Variants in UBE2G1 observed in about 807,000 individuals in gnomAD.
UBE2G1 encodes the protein ubiquitin conjugating enzyme E2 G1.
Under a neutral mutation model 22.7 loss-of-function variants are expected in UBE2G1, and 5 were observed. The observed-to-expected ratio is 0.22, with a 90% CI of 0.12 to 0.46. The LOEUF (loss-of-function observed/expected upper bound fraction) is 0.46. Among genes scored for constraint, UBE2G1 ranks in the 20% least tolerant of loss-of-function variants. The pLI is 0.99. For missense variants in UBE2G1, 88 were observed against 203.9 expected (o/e 0.43, Z 3.46); for synonymous variants, 74 against 67.5 (o/e 1.10, Z -0.47).
chr17:4,338,184 GA>G (rs1328455402), intron 1 of UBE2G1, among the ~76,000 whole-genome samples: 1 of 148,338 alleles, frequency 6.7e-6, no homozygotes, highest in African/African-American at 2.5e-5. Context: ...AAAAAAAAAC[GA>G]AAACAACTTA....
At chr17:4,294,415 C>CAA (rs68047533) in intron 3 of UBE2G1, among the ~76,000 whole-genome samples, 46 of 117,162 alleles carry the variant, frequency 3.9e-4, no homozygotes, top group African/African-American at 1.9e-3. Context: ...GACTCCGTCT[C>CAA]AAAAAAAAAA....
intron 1 of UBE2G1, among the ~76,000 whole-genome samples, chr17:4,359,276 GTCTT>G (rs1024571888): frequency 3.9e-5 from 6 of 152,098 alleles, no homozygotes; most frequent in Non-Finnish European, 7.4e-5. Flanking sequence ...AAAATTTAAG[GTCTT>G]TGTTTTTTGT....
intron 1 of UBE2G1, among the ~76,000 whole-genome samples, chr17:4,315,567 C>T (rs377139309): frequency 6.6e-6 from 1 of 151,532 alleles, no homozygotes; most frequent in Non-Finnish European, 1.5e-5. Flanking sequence ...CGTGAAACCC[C>T]GTCTCTACCA....
intron 1 of UBE2G1, among the ~76,000 whole-genome samples, chr17:4,343,829 C>T (rs1165413621): frequency 6.6e-6 from 1 of 151,956 alleles, no homozygotes; most frequent in Non-Finnish European, 1.5e-5. Context: ...CCTCATGATC[C>T]GCCCGCCTCA....
At chr17:4,294,415 CAAAAAAA>C (rs68047533) in intron 3 of UBE2G1, among the ~76,000 whole-genome samples, 1 of 117,202 alleles carries the variant, frequency 8.5e-6, no homozygotes, top group African/African-American at 4.4e-5. Flanking sequence ...GACTCCGTCT[CAAAAAAA>C]AAAAAAAAAA....
intron 1 of UBE2G1, among the ~76,000 whole-genome samples, chr17:4,342,336 G>A (rs1051202132): frequency 2.6e-5 from 4 of 152,132 alleles, no homozygotes; most frequent in African/African-American, 9.7e-5. Context: ...TTCAAATATT[G>A]TGTTCCTTCT....
intron 5 of UBE2G1, among the ~76,000 whole-genome samples, chr17:4,280,880 G>A (rs570338536): frequency 5.9e-4 from 90 of 152,112 alleles, no homozygotes; most frequent in African/African-American, 2.1e-3. Context: ...TGATCCACCC[G>A]CCTCGGCCTC....
At position 4,280,024 on chromosome 17, in the gene UBE2G1, TTAGA is replaced by T. The variant is rs970154088; in HGVS notation, c.*37+2770_*37+2773del. ...CATATTAAGTCCACAATATCCAGAT[TTAGA>T]TAGATAGACTTTTTTTTTTTTTTTT... On this transcript the variant is annotated intron_variant, in intron 5 of 5. Transcript: ENST00000396981. Among the ~76,000 whole-genome samples the T allele has an allele frequency of 5.3e-5, 8 of 151,774 alleles. No homozygotes were observed. In the East Asian group the frequency reaches 5.8e-4, roughly 11 times the overall value.
At chr17:4,354,255 TAAC>T (rs1246860892) in intron 1 of UBE2G1, among the ~76,000 whole-genome samples, 1 of 152,146 alleles carries the variant, frequency 6.6e-6, no homozygotes, top group Non-Finnish European at 1.5e-5. Flanking sequence ...TTTTCTGTAA[TAAC>T]AACCCTAAAG....
In UBE2G1 at chr17:4,307,004, A is replaced by T; in HGVS notation, c.149+17T>A. On this transcript the variant is annotated intron_variant, in intron 2 of 5. Transcript: ENST00000396981. ...AAAAGAGCTCCATTTTGAAGATGTC[A>T]GTTCCATTATACTTACTAAAGTGTA... 1 of 1,601,648 alleles carries T rather than the reference A, an allele frequency of 6.2e-7. No individual in the cohort carries two copies. The highest frequency in any genetic ancestry group is 8.6e-7 in the Non-Finnish European group (1 of 1,169,378).
intron 3 of UBE2G1, among the ~76,000 whole-genome samples, chr17:4,296,386 C>T (rs754571382): frequency 3.9e-5 from 6 of 152,096 alleles, no homozygotes; most frequent in South Asian, 2.1e-4. Context: ...CCTCAGCCTC[C>T]GAAGTAGCTG....
intron 1 of UBE2G1, among the ~76,000 whole-genome samples, chr17:4,355,574 C>T (rs1240546804): frequency 5.6e-5 from 8 of 143,748 alleles, no homozygotes; most frequent in African/African-American, 2.1e-4. Flanking sequence ...CCTGGGAGGC[C>T]GAGGTTGCGG....
At chr17:4,366,200 G>C in intron 1 of UBE2G1, 71 bp downstream of exon 1, 1 of 1,454,292 alleles carries the variant, frequency 6.9e-7, no homozygotes, top group East Asian at 2.9e-5. Flanking sequence ...GGCCCGGGAG[G>C]AGAAGAGGGA....
intron 1 of UBE2G1, among the ~76,000 whole-genome samples, chr17:4,337,899 G>A (rs1469656795): frequency 6.6e-6 from 1 of 152,048 alleles, no homozygotes; most frequent in Non-Finnish European, 1.5e-5. Flanking sequence ...AGCCAGGAAC[G>A]GTGGCTCATG....
At chr17:4,321,156 AAATT>A (rs1242365773) in intron 1 of UBE2G1, among the ~76,000 whole-genome samples, 1 of 152,148 alleles carries the variant, frequency 6.6e-6, no homozygotes, top group Non-Finnish European at 1.5e-5. Context: ...TCTTAAAAAA[AAATT>A]AATTTAAAAA....
intron 1 of UBE2G1, among the ~76,000 whole-genome samples, chr17:4,330,943 A>T (rs1172194678): frequency 6.8e-6 from 1 of 146,762 alleles, no homozygotes; most frequent in Non-Finnish European, 1.5e-5. Context: ...AAAAAATTAA[A>T]AGGCAAATAA....
chr17:4,282,954 C>A, intron 4 of UBE2G1, 33 bp from the exon 5 acceptor site: 2 of 1,505,618 alleles, frequency 1.3e-6, no homozygotes, highest in South Asian at 1.2e-5. Context: ...CAAGTGATTT[C>A]ATGCAAACTC....
chr17:4,307,592 T>C (rs1192769012), intron 1 of UBE2G1, among the ~76,000 whole-genome samples: 1 of 152,240 alleles, frequency 6.6e-6, no homozygotes, highest in Non-Finnish European at 1.5e-5. Context: ...GTACACCTAT[T>C]TGACTTGTCC....
chr17:4,290,934 C>T (rs749515883), intron 3 of UBE2G1, among the ~76,000 whole-genome samples: 1 of 152,118 alleles, frequency 6.6e-6, no homozygotes, highest in Non-Finnish European at 1.5e-5. Context: ...AGAAGTACAG[C>T]AGTGAATATA....
Sources: gnomAD v4.1 joint callset for allele counts (sites outside exome capture counted in the v4.1 genomes callset) on GRCh38, gnomAD v4.1.1 for gene constraint, MANE v1.5 for transcripts, NCBI Gene and HGNC (gene_info 2026-07-23, HGNC 2026-07-21) for gene names.